Variants in HCN2 observed in about 807,000 individuals in gnomAD.
HCN2 encodes potassium/sodium hyperpolarization-activated cyclic nucleotide-gated channel 2.
Under a neutral mutation model 52.3 loss-of-function variants are expected in HCN2, and 20 were observed. That is an observed-to-expected ratio of 0.38 (90% CI 0.27 to 0.56). The LOEUF (loss-of-function observed/expected upper bound fraction) is 0.56, where lower values mean the gene tolerates loss of function less well. Ranked by LOEUF, HCN2 falls within the 20% of genes least tolerant of loss-of-function variation. The probability of loss-of-function intolerance (pLI) is 0.71; values close to 1 mark genes in which losing one functional copy is unlikely to be tolerated. For synonymous variants in HCN2, 694 were observed against 537.0 expected, an observed-to-expected ratio of 1.29 and a Z score of -4.04; for missense variants, 981 against 1,207.7, an observed-to-expected ratio of 0.81 and a Z score of 2.78.
At position 604,022 on chromosome 19, in the gene HCN2, A is replaced by G. The variant is rs10409268; in HGVS notation, c.1056+55A>G. 314,354 of 700,656 alleles carry G rather than the reference A, an allele frequency of 0.45. 84,288 individuals are homozygous for G. Among genetic ancestry groups the G allele is most frequent in the Admixed American group, 0.58 (20,450 of 35,276 alleles). The allele number at this position is 700,656 out of a possible 1,614,324, so 43.4% of individuals were successfully genotyped here. A position where few individuals can be genotyped will look rare whatever the true frequency, so the allele number is the denominator to read the frequency against. Reference sequence around the variant, plus strand: ...AGCAGGGGCGGGGCTATAATGGTGCATGGGCGGGGCCAAGGCAGCAGGGGC... The same window carrying G: ...AGCAGGGGCGGGGCTATAATGGTGCGTGGGCGGGGCCAAGGCAGCAGGGGC... On this transcript the variant is annotated intron_variant, in intron 2 of 7. Coordinates refer to ENST00000251287, the MANE Select transcript of HCN2 (RefSeq NM_001194.4).
chr19:602,036 C>T (rs1983217876), intron 1 of HCN2, among the ~76,000 whole-genome samples: 1 of 151,276 alleles, frequency 6.6e-6, no homozygotes, highest in Non-Finnish European at 1.5e-5. Context: ...CTCGGCCTCC[C>T]CTGTGGCGCC....
chr19:607,171 A>G (rs1358100172), intron 3 of HCN2, among the ~76,000 whole-genome samples: 1 of 152,252 alleles, frequency 6.6e-6, no homozygotes, highest in African/African-American at 2.4e-5. Flanking sequence ...AACTCCGTCA[A>G]AAAAGAAGGA....
intron 7 of HCN2, among the ~76,000 whole-genome samples, chr19:615,438 C>A (rs779126725): frequency 3.9e-5 from 6 of 152,148 alleles, no homozygotes; most frequent in African/African-American, 1.4e-4. Context: ...GGTGTGAACC[C>A]GGGAGGTGGA....
rs1372121325 is a variant in HCN2, at chr19:616,477, C to G, written c.*3C>G. 4.1e-6 allele frequency: 5 copies of G among 1,221,652 alleles called. No individual in the cohort carries two copies. The South Asian group carries it at 1.2e-4, about 29-fold the overall frequency. The allele number at this position is 1,221,652 out of a possible 1,614,324, so 75.7% of individuals were successfully genotyped here. A position where few individuals can be genotyped will look rare whatever the true frequency, so the allele number is the denominator to read the frequency against. On this transcript the variant is annotated 3_prime_UTR_variant, in exon 8 of 8. Coordinates refer to ENST00000251287, the MANE Select transcript of HCN2 (RefSeq NM_001194.4). ...CGCGCCTCTCGTCCAACTTGTGACC[C>G]TCGCCGACCGCCCCGCGGGCCCAGG... is the stretch of plus-strand genomic sequence containing the variant.
At chr19:607,750 A>G (rs1276267422) in intron 3 of HCN2, among the ~76,000 whole-genome samples, 3 of 152,222 alleles carry the variant, frequency 2.0e-5, no homozygotes, top group Non-Finnish European at 4.4e-5. Flanking sequence ...TGAAGCGGGC[A>G]GGTAGAATCA....
chr19:600,670 G>A lies in HCN2; in HGVS notation c.633-2874G>A, dbSNP rs142838361. On this transcript the variant is annotated intron_variant, in intron 1 of 7. Coordinates refer to ENST00000251287, the MANE Select transcript of HCN2 (RefSeq NM_001194.4). ...TAATTTCTGTATTTTTAGTAGAGAC[G>A]GGGTTTCACCATATTGGCCAGGCTG... is the stretch of plus-strand genomic sequence containing the variant. 1.1e-4 allele frequency among the ~76,000 whole-genome samples: 17 copies of A among 152,056 alleles called. No homozygotes were observed. The South Asian group carries it at 2.7e-3, about 24-fold the overall frequency.
At position 613,508 on chromosome 19, in the gene HCN2, GCCTGGAGGGGGAGGGGGCA is replaced by G; in HGVS notation, c.1825+22_1825+40del. 1 of 1,039,932 alleles carries G rather than the reference GCCTGGAGGGGGAGGGGGCA, an allele frequency of 9.6e-7. No homozygotes were observed. Among genetic ancestry groups the G allele is most frequent in the Non-Finnish European group, 1.4e-6 (1 of 715,504 alleles). The allele number at this position is 1,039,932 out of a possible 1,614,324, so 64.4% of individuals were successfully genotyped here. A position where few individuals can be genotyped will look rare whatever the true frequency, so the allele number is the denominator to read the frequency against. On this transcript the variant is annotated intron_variant, in intron 6 of 7. Transcript: ENST00000251287. ...TCGGGGGTGAGCTTGAGGGGGGCGC[GCCTGGAGGGGGAGGGGGCA>G]CGCGACCCCCGCGGTGTGCAGAGCC...
At chr19:608,256 C>A in intron 4 of HCN2, 74 bp downstream of exon 4, 1 of 1,374,850 alleles carries the variant, frequency 7.3e-7, no homozygotes, top group Non-Finnish European at 1.0e-6. Context: ...GAGAGAGAGT[C>A]AGGCCAGGCC....
chr19:594,347 G>GC (rs1395803178), intron 1 of HCN2, among the ~76,000 whole-genome samples: 3 of 152,110 alleles, frequency 2.0e-5, no homozygotes, highest in African/African-American at 7.2e-5. Flanking sequence ...CTTCCTGACT[G>GC]CCCTCGGTCC....
chr19:610,846 C>T (rs923694250), intron 5 of HCN2, among the ~76,000 whole-genome samples: 4 of 152,078 alleles, frequency 2.6e-5, no homozygotes, highest in Admixed American at 2.0e-4. Flanking sequence ...GCTTGAACAG[C>T]GGAGATTCGG....
chr19:613,828 C>T lies in HCN2; in HGVS notation c.1826-24C>T. 4.5e-6 allele frequency: 3 copies of T among 660,120 alleles called. No homozygotes were observed. In the South Asian group the frequency reaches 7.4e-5, roughly 16 times the overall value. The allele number at this position is 660,120 out of a possible 1,614,324, so 40.9% of individuals were successfully genotyped here. ...CCGCGGCGCCCGCCTCGTCCAGCAACCCCCCCCTGCGCGCCACGTGCAGAG... is the reference window on the plus strand; with the variant it reads ...CCGCGGCGCCCGCCTCGTCCAGCAATCCCCCCCTGCGCGCCACGTGCAGAG... On this transcript the variant is annotated intron_variant, in intron 6 of 7. Transcript: ENST00000251287.
rs1198477321 is a variant in HCN2 at position 590,878 on chromosome 19, G to A, written c.632+301G>A. 2.8e-5 allele frequency: 6 copies of A among 210,924 alleles called. No homozygotes were observed. The highest frequency in any genetic ancestry group is 1.2e-4 in the Admixed American group (2 of 16,836). The allele number at this position is 210,924 out of a possible 1,614,324, so 13.1% of individuals were successfully genotyped here. On this transcript the variant is annotated intron_variant, in intron 1 of 7. Coordinates refer to ENST00000251287, the MANE Select transcript of HCN2 (RefSeq NM_001194.4). This position sits in a 1 kb window ranked among gnomAD's most constrained non-coding sequence, Gnocchi z 7.2. ...CAGGGCCAGGGTCTGAGCGCAGAGG[G>A]GCAGAGAGGACGAATAGAGGGGAAC...
rs1463439099 is a variant in HCN2 at position 591,450 on chromosome 19, G to C, written c.632+873G>C. 2.0e-5 allele frequency: 3 copies of C among 152,444 alleles called. No homozygotes were observed. The highest frequency in any genetic ancestry group is 4.8e-5 in the African/African-American group (2 of 41,396). The allele number at this position is 152,444 out of a possible 1,614,324, so 9.4% of individuals were successfully genotyped here. A position where few individuals can be genotyped will look rare whatever the true frequency, so the allele number is the denominator to read the frequency against. ...TGGGACGTGTGGTTTGTGTGTGTTG[G>C]GACCAGGTGGCGGGCGTGCGCGTGT... On this transcript the variant is annotated intron_variant, in intron 1 of 7. Transcript: ENST00000251287. This position sits in a 1 kb window ranked among gnomAD's most constrained non-coding sequence, Gnocchi z 4.1.
rs979254225 is a variant in HCN2 at position 592,185 on chromosome 19, G to T, written c.632+1608G>T. On this transcript the variant is annotated intron_variant, in intron 1 of 7. Coordinates refer to ENST00000251287, the MANE Select transcript of HCN2 (RefSeq NM_001194.4). The surrounding 1 kb of genome is among the most constrained non-coding windows in gnomAD (Gnocchi z 4.8). The stretch of plus-strand genomic sequence containing the variant: ...GGCAGTGGCACCCCCTGACCGGAGA[G>T]GGACGCGGTGGAGAGGGAGCTGTAG... Among the ~76,000 whole-genome samples the T allele has an allele frequency of 2.0e-5, 3 of 152,218 alleles. No individual in the cohort carries two copies. The highest frequency in any genetic ancestry group is 4.4e-5 in the Non-Finnish European group (3 of 68,026).
chr19:610,676 G>A (rs1425644034), intron 5 of HCN2, among the ~76,000 whole-genome samples: 15 of 152,232 alleles, frequency 9.9e-5, no homozygotes, highest in Non-Finnish European at 1.9e-4. Flanking sequence ...GCAGGGCAGG[G>A]GGTGGGGAGG....
intron 1 of HCN2, among the ~76,000 whole-genome samples, chr19:600,580 C>A (rs1199484631): frequency 6.6e-6 from 1 of 151,978 alleles, no homozygotes; most frequent in Non-Finnish European, 1.5e-5. Context: ...CTCTTGACCT[C>A]ATGATGCGAC....
intron 2 of HCN2, among the ~76,000 whole-genome samples, chr19:604,233 T>G (rs1450823447): frequency 6.7e-5 from 1 of 14,826 alleles, no homozygotes; most frequent in African/African-American, 8.3e-4. Context: ...GAGATCTGGG[T>G]GGGGTCAAGG....
chr19:611,404 A>G (rs1212377519), intron 5 of HCN2, among the ~76,000 whole-genome samples: 1 of 152,154 alleles, frequency 6.6e-6, no homozygotes, highest in Non-Finnish European at 1.5e-5. Flanking sequence ...TGAGCCAGGC[A>G]GGGTGTCCCC....
chr19:617,095 GCCC>G lies in HCN2; in HGVS notation c.*625_*627del. ...CCGAGGCAGCAGTGCCCCCACCGTG[GCCC>G]CCCACGCCCCATTAACCCCCACACC... On this transcript the variant is annotated 3_prime_UTR_variant, in exon 8 of 8. Transcript: ENST00000251287. 1.9e-6 allele frequency: 1 copy of G among 513,172 alleles called. No homozygotes were observed. Among genetic ancestry groups the G allele is most frequent in the Non-Finnish European group, 3.5e-6 (1 of 282,116 alleles). 31.8% of individuals were successfully genotyped at this position (513,172 alleles called of 1,614,324 possible).
Sources: allele counts gnomAD v4.1 joint callset (sites outside exome capture counted in the v4.1 genomes callset), GRCh38; gene constraint gnomAD v4.1.1; non-coding constraint Gnocchi (gnomAD v3.1); transcripts MANE v1.5; gene names NCBI Gene and HGNC (gene_info 2026-07-23, HGNC 2026-07-21).